The following RSPO1 variants were observed in gnomAD, a reference collection of about 807,000 sequenced individuals.
RSPO1 encodes R-spondin 1.
In RSPO1, 18 loss-of-function variants were observed where a neutral mutation model predicts 26.0. The observed-to-expected ratio is 0.69, with a 90% CI of 0.48 to 1.03. The LOEUF is 1.03. Among genes scored for constraint, RSPO1 ranks in the 50% least tolerant of loss-of-function variants. The probability of loss-of-function intolerance (pLI) is 0.00; values close to 1 mark genes in which losing one functional copy is unlikely to be tolerated. For synonymous variants in RSPO1, 133 were observed against 137.4 expected (o/e 0.97, Z 0.22); for missense variants, 309 against 352.3 (o/e 0.88, Z 0.98).
At position 37,623,669 on chromosome 1, in the gene RSPO1, G is replaced by A. The variant is rs534824011; in HGVS notation, c.94+5899C>T. ...GCTGAGGCAGGATCCCTTGAGCCTA[G>A]GAGTTGCAGACCAGCTTGGGCAACA... is the stretch of plus-strand genomic sequence containing the variant. On this transcript the variant is annotated intron_variant, in intron 3 of 6. Transcript: ENST00000356545. 3.8e-3 allele frequency among the ~76,000 whole-genome samples: 577 copies of A among 151,624 alleles called. 3 individuals are homozygous for A. Among genetic ancestry groups the A allele is most frequent in the African/African-American group, 0.013 (543 of 41,302 alleles).
Position 37,622,282 on chromosome 1 carries a change from T to G in RSPO1, c.95-5607A>C, listed in dbSNP as rs986911521. On this transcript the variant is annotated intron_variant, in intron 3 of 6. Transcript: ENST00000356545. The stretch of plus-strand genomic sequence containing the variant: ...GGTAAGTGTAGTTTTGGTGGGGTGG[T>G]GGGGTGGACAGCAGGAGGCAGTTGT... Among the ~76,000 whole-genome samples, 7 of 151,716 alleles carry G rather than the reference T, an allele frequency of 4.6e-5. No individual in the cohort carries two copies. In the South Asian group the frequency reaches 1.3e-3, roughly 27 times the overall value.
At chr1:37,620,918 G>C (rs148501736) in intron 3 of RSPO1, among the ~76,000 whole-genome samples, 1,723 of 152,188 alleles carry the variant, frequency 0.011, 36 homozygotes, top group African/African-American at 0.04. Flanking sequence ...CTAGGTTTCT[G>C]CCTTAGTTTC....
At chr1:37,618,701 G>A (rs1230439644) in intron 3 of RSPO1, among the ~76,000 whole-genome samples, 1 of 152,194 alleles carries the variant, frequency 6.6e-6, no homozygotes, top group African/African-American at 2.4e-5. Flanking sequence ...AAGAGGCATG[G>A]GGAGGAGCCT....
rs766846366 is a variant in RSPO1 at position 37,613,696 on chromosome 1, C to T, written c.625+8G>A. On this transcript the variant is annotated splice_region_variant and intron_variant, in intron 6 of 6. Coordinates refer to ENST00000356545, the MANE Select transcript of RSPO1 (RefSeq NM_001242908.2). This position sits in a 1 kb window ranked among gnomAD's most constrained non-coding sequence, Gnocchi z 4.5. ...CCTGACCCCAGGGAGGCAGAGGCTG[C>T]AGCTCACCCTCAGGACACGGCACTC... 6.2e-6 allele frequency: 10 copies of T among 1,607,164 alleles called. No individual in the cohort carries two copies. Among genetic ancestry groups the T allele is most frequent in the Non-Finnish European group, 8.5e-6 (10 of 1,175,088 alleles).
intron 3 of RSPO1, among the ~76,000 whole-genome samples, chr1:37,619,749 CTTT>C (rs532159602): frequency 6.9e-5 from 10 of 145,144 alleles, no homozygotes; most frequent in African/African-American, 1.5e-4. Context: ...ATATATTATC[CTTT>C]TTTTTTTTTT....
rs780083042 is a variant in RSPO1 at position 37,612,551 on chromosome 1, G to A, written c.*204C>T. 6.3e-6 allele frequency: 4 copies of A among 638,906 alleles called. No individual in the cohort carries two copies. Among genetic ancestry groups the A allele is most frequent in the Non-Finnish European group, 1.1e-5 (4 of 352,908 alleles). 39.6% of individuals were successfully genotyped at this position (638,906 alleles called of 1,614,324 possible). A position where few individuals can be genotyped will look rare whatever the true frequency, so the allele number is the denominator to read the frequency against. On this transcript the variant is annotated 3_prime_UTR_variant, in exon 7 of 7. Transcript: ENST00000356545. The stretch of plus-strand genomic sequence containing the variant: ...GTGTGTGTGGTGTCTGTGTCTGCGT[G>A]TGTACATGAACACACATGTGCAAGT...
chr1:37,622,978 G>A (rs1644224821), intron 3 of RSPO1, among the ~76,000 whole-genome samples: 1 of 152,076 alleles, frequency 6.6e-6, no homozygotes. Context: ...AGAGGCAGGG[G>A]ACATTGATGG....
chr1:37,612,244 A>G lies in RSPO1; in HGVS notation c.*511T>C, dbSNP rs1644034963. On this transcript the variant is annotated 3_prime_UTR_variant, in exon 7 of 7. Transcript: ENST00000356545. ...CCTGGAAGGGTAACAATACTCTCCA[A>G]CGATAAAGTCACACAGCTGGGAGTG... 1 of 172,538 alleles carries G rather than the reference A, an allele frequency of 5.8e-6. No individual in the cohort carries two copies. Among genetic ancestry groups the G allele is most frequent in the South Asian group, 1.4e-4 (1 of 7,010 alleles). The allele number at this position is 172,538 out of a possible 1,614,324, so 10.7% of individuals were successfully genotyped here. A position where few individuals can be genotyped will look rare whatever the true frequency, so the allele number is the denominator to read the frequency against.
chr1:37,633,794 C>G (rs1254773284), intron 1 of RSPO1, among the ~76,000 whole-genome samples: 1 of 152,176 alleles, frequency 6.6e-6, no homozygotes, highest in East Asian at 1.9e-4. Context: ...CTTCACCCCT[C>G]CATCACCCCC....
At chr1:37,631,515 G>A (rs906991507) in intron 2 of RSPO1, among the ~76,000 whole-genome samples, 5 of 152,214 alleles carry the variant, frequency 3.3e-5, no homozygotes, top group Non-Finnish European at 5.9e-5. Flanking sequence ...GCCCAAGTCT[G>A]TAGTCTCAGA....
Position 37,612,518 on chromosome 1 carries a change from GTGTA to G in RSPO1, c.*233_*236del. 1.7e-6 allele frequency: 1 copy of G among 594,676 alleles called. No homozygotes were observed. Among genetic ancestry groups the G allele is most frequent in the Non-Finnish European group, 3.0e-6 (1 of 328,298 alleles). The allele number at this position is 594,676 out of a possible 1,614,324, so 36.8% of individuals were successfully genotyped here. ...GCCTCAGGTGTGTGTGTGTGTGTGTGTGTATGTGTGTGTGTGGTGTCTGTGTCTG... is the reference window on the plus strand; with the variant it reads ...GCCTCAGGTGTGTGTGTGTGTGTGTGTGTGTGTGTGTGGTGTCTGTGTCTG... On this transcript the variant is annotated 3_prime_UTR_variant, in exon 7 of 7. Transcript: ENST00000356545.
In RSPO1 at chr1:37,634,295, G is replaced by A. The variant is rs1557443277; in HGVS notation, c.-356+271C>T. Among the ~76,000 whole-genome samples, 1 of 152,190 alleles carries A rather than the reference G, an allele frequency of 6.6e-6. No individual in the cohort carries two copies. The highest frequency in any genetic ancestry group is 2.4e-5 in the African/African-American group (1 of 41,448). On this transcript the variant is annotated intron_variant, in intron 1 of 6. Coordinates refer to ENST00000356545, the MANE Select transcript of RSPO1 (RefSeq NM_001242908.2). The surrounding 1 kb of genome is among the most constrained non-coding windows in gnomAD (Gnocchi z 4.7). The stretch of plus-strand genomic sequence containing the variant: ...TGGGGAATTCAGGACTGCGAGTGAG[G>A]ATGATCACCCGGGGCTGCGGGATGG...
Position 37,621,209 on chromosome 1 carries a change from G to A in RSPO1, c.95-4534C>T, listed in dbSNP as rs372960673. 2.9e-3 allele frequency among the ~76,000 whole-genome samples: 446 copies of A among 152,324 alleles called. 5 individuals carry two copies. The highest frequency in any genetic ancestry group is 7.9e-3 in the African/African-American group (327 of 41,560). On this transcript the variant is annotated intron_variant, in intron 3 of 6. Coordinates refer to ENST00000356545, the MANE Select transcript of RSPO1 (RefSeq NM_001242908.2). ...GGAGCGAGTGATGAGGCGGGAAGTT[G>A]GAGAGGGAAGCAGGGGCTGGATGAG...
chr1:37,625,229 C>T (rs1042863441), intron 3 of RSPO1, among the ~76,000 whole-genome samples: 1 of 152,198 alleles, frequency 6.6e-6, no homozygotes, highest in Non-Finnish European at 1.5e-5. Flanking sequence ...TGAATGGGAG[C>T]TCAGTAAAGG....
chr1:37,615,461 C>G lies in RSPO1; in HGVS notation c.286+1023G>C, dbSNP rs531563552. Among the ~76,000 whole-genome samples, 6 of 152,254 alleles carry G rather than the reference C, an allele frequency of 3.9e-5. No homozygotes were observed. The South Asian group carries it at 1.0e-3, about 26-fold the overall frequency. The stretch of plus-strand genomic sequence containing the variant: ...TCAAGGTCACACAATGAAGAAGTAG[C>G]AGAGTTGAGCTCAGAACCAACTCTG... On this transcript the variant is annotated intron_variant, in intron 4 of 6. Transcript: ENST00000356545.
intron 3 of RSPO1, among the ~76,000 whole-genome samples, chr1:37,624,015 C>T (rs1432307421): frequency 6.6e-6 from 1 of 152,078 alleles, no homozygotes; most frequent in Non-Finnish European, 1.5e-5. Context: ...CCACATCGGC[C>T]TCCCAAAGTT....
chr1:37,622,153 T>C (rs1344402957), intron 3 of RSPO1, among the ~76,000 whole-genome samples: 4 of 151,996 alleles, frequency 2.6e-5, no homozygotes, highest in Non-Finnish European at 5.9e-5. Context: ...GAGAAGTATA[T>C]AGCATCATGG....
Position 37,629,681 on chromosome 1 carries a change from G to A in RSPO1, c.-20C>T, listed in dbSNP as rs1212909170. The A allele has an allele frequency of 6.2e-7, 1 of 1,613,818 alleles. No homozygotes were observed. The highest frequency in any genetic ancestry group is 8.5e-7 in the Non-Finnish European group (1 of 1,179,924). ...CCGCATAGTCACGCGCCAGCTCCAGGCCCCTGGTCGGAGGGGTGGTCTCGG... is the reference window on the plus strand; with the variant it reads ...CCGCATAGTCACGCGCCAGCTCCAGACCCCTGGTCGGAGGGGTGGTCTCGG... On this transcript the variant is annotated 5_prime_UTR_variant, in exon 3 of 7. Transcript: ENST00000356545.
At chr1:37,630,133 G>A (rs528473100) in intron 2 of RSPO1, among the ~76,000 whole-genome samples, 184 bp from the exon 3 acceptor site, 68 of 152,316 alleles carry the variant, frequency 4.5e-4, no homozygotes, top group African/African-American at 1.5e-3. Flanking sequence ...ACCTGGGACC[G>A]GAGCCGGCAA....
Sources: gnomAD v4.1 joint callset for allele counts (sites outside exome capture counted in the v4.1 genomes callset) on GRCh38, gnomAD v4.1.1 for gene constraint, Gnocchi (gnomAD v3.1) non-coding constraint, MANE v1.5 for transcripts, NCBI Gene and HGNC (gene_info 2026-07-23, HGNC 2026-07-21) for gene names.